PCDHGB1: variants seen among roughly 807,000 people sequenced by gnomAD.
PCDHGB1 encodes protocadherin gamma subfamily B, 1.
PCDHGB1 carries 34 observed loss-of-function variants against 56.6 expected under a neutral mutation model. The observed-to-expected ratio is 0.60, with a 90% CI of 0.46 to 0.80. The LOEUF (loss-of-function observed/expected upper bound fraction) is 0.80, where lower values mean the gene tolerates loss of function less well. Ranked by LOEUF, PCDHGB1 falls within the 30% of genes least tolerant of loss-of-function variation. The pLI, the probability that PCDHGB1 is intolerant of heterozygous loss-of-function variation, is 0.00. For synonymous variants in PCDHGB1, 561 were observed against 505.9 expected, an observed-to-expected ratio of 1.11 and a Z score of -1.46; for missense variants, 1,278 against 1,204.6, an observed-to-expected ratio of 1.06 and a Z score of -0.90.
intron 1 of PCDHGB1, chr5:141,370,755 G>A: frequency 6.2e-7 from 1 of 1,613,972 alleles, no homozygotes; most frequent in South Asian, 1.1e-5. Context: ...TCATGTAACT[G>A]TGCTGATCCA....
Position 141,375,486 on chromosome 5 carries a change from G to A in PCDHGB1, c.2409+22817G>A, listed in dbSNP as rs1193457334. Reference sequence around the variant, plus strand: ...TATGTCCTTGAAAACAACCCCAGGGGTGCCTCCATCTTCTCTGTGAATGCA... The same window carrying A: ...TATGTCCTTGAAAACAACCCCAGGGATGCCTCCATCTTCTCTGTGAATGCA... On this transcript the variant is annotated intron_variant, in intron 1 of 3. Transcript: ENST00000523390. 9.3e-6 allele frequency: 15 copies of A among 1,613,796 alleles called. No individual in the cohort carries two copies. The Admixed American group carries it at 1.7e-4, about 18-fold the overall frequency.
chr5:141,351,965 G>T lies in PCDHGB1; in HGVS notation c.1705G>T (p.Ala569Ser), dbSNP rs779515457. ...LYPALGPDGSALFDMVPRAAE... is the reference protein window; with the variant it reads ...LYPALGPDGSSLFDMVPRAAE... Reference sequence around the variant, plus strand: ...CCCCGCGCTGGGGCCTGATGGCTCCGCCCTCTTCGATATGGTGCCACGCGC... The same window carrying T: ...CCCCGCGCTGGGGCCTGATGGCTCCTCCCTCTTCGATATGGTGCCACGCGC... The change falls in exon 1 of 4, where the codon GCC becomes TCC. Residue 569 changes from alanine to serine, a missense_variant. Ala to Ser is a moderately conservative substitution (Grantham distance 99). Coordinates refer to ENST00000523390, the MANE Select transcript of PCDHGB1 (RefSeq NM_018922.3). The T allele has an allele frequency of 4.3e-6, 7 of 1,612,548 alleles. No homozygotes were observed. The East Asian group carries it at 8.9e-5, about 21-fold the overall frequency.
chr5:141,371,555 A>C, intron 1 of PCDHGB1: 1 of 1,613,862 alleles, frequency 6.2e-7, no homozygotes, highest in Non-Finnish European at 8.5e-7. Context: ...GCCAACTAAA[A>C]GGAAACTTCC....
intron 1 of PCDHGB1, chr5:141,427,870 C>A (rs773176633): frequency 3.2e-6 from 5 of 1,558,750 alleles, no homozygotes; most frequent in Non-Finnish European, 4.4e-6. Context: ...TTCGAGCTCA[C>A]GATGCAGGCC....
chr5:141,511,359 T>C lies in PCDHGB1; in HGVS notation c.*186T>C. The stretch of plus-strand genomic sequence containing the variant: ...CACCTACCCCTTCCCCCCCAGGGGG[T>C]TGAATATGCAAAAGCAGTTCCGCTG... On this transcript the variant is annotated 3_prime_UTR_variant, in exon 4 of 4. Coordinates refer to ENST00000523390, the MANE Select transcript of PCDHGB1 (RefSeq NM_018922.3). The C allele has an allele frequency of 2.2e-6, 3 of 1,339,338 alleles. No homozygotes were observed. In the South Asian group the frequency reaches 4.6e-5, roughly 20 times the overall value. The allele number at this position is 1,339,338 out of a possible 1,614,324, so 83.0% of individuals were successfully genotyped here. A position where few individuals can be genotyped will look rare whatever the true frequency, so the allele number is the denominator to read the frequency against.
At position 141,352,662 on chromosome 5, in the gene PCDHGB1, C is replaced by G; in HGVS notation, c.2402C>G (p.Ser801Cys). The G allele has an allele frequency of 1.3e-6, 2 of 1,591,142 alleles. No homozygotes were observed. The highest frequency in any genetic ancestry group is 1.7e-6 in the Non-Finnish European group (2 of 1,167,948). The change falls in exon 1 of 4, where the codon TCT (serine) becomes TGT (cysteine). Residue 801 changes from serine (S) to cysteine (C), a missense_variant. Transcript: ENST00000523390. The part of the protein sequence containing the change: ...DHKIAYDPSL[S>C]SHQAPPNTDW... ...AAAATCGCTTATGACCCTTCTTTGT[C>G]TTCGCACGTGAGTTTCTGCAAATCT...
rs114847835 is a variant in PCDHGB1, at chr5:141,486,500, C to T, written c.2410-8307C>T. The T allele has an allele frequency of 6.2e-6, 10 of 1,614,008 alleles. No homozygotes were observed. The East Asian group carries it at 1.8e-4, about 29-fold the overall frequency. On this transcript the variant is annotated intron_variant, in intron 1 of 3. Coordinates refer to ENST00000523390, the MANE Select transcript of PCDHGB1 (RefSeq NM_018922.3). This position sits in a 1 kb window ranked among gnomAD's most constrained non-coding sequence, Gnocchi z 5.0. ...TCTCAGTACCCACAGAACTATTTTCCTCAATATTTCAGATGTGAATGATAA... is the reference window on the plus strand; with the variant it reads ...TCTCAGTACCCACAGAACTATTTTCTTCAATATTTCAGATGTGAATGATAA...
At chr5:141,360,575 A>G in intron 1 of PCDHGB1, 1 of 1,614,000 alleles carries the variant, frequency 6.2e-7, no homozygotes, top group Non-Finnish European at 8.5e-7. Flanking sequence ...GAATCCACTA[A>G]GCCAGGTACA....
At position 141,477,272 on chromosome 5, in the gene PCDHGB1, C is replaced by G. The variant is rs2099408579; in HGVS notation, c.2410-17535C>G. The G allele has an allele frequency of 1.2e-6, 2 of 1,614,090 alleles. No homozygotes were observed. The highest frequency in any genetic ancestry group is 1.7e-6 in the Non-Finnish European group (2 of 1,180,048). Reference sequence around the variant, plus strand: ...TGACCTGGATGCTGGCGAGAACGGGCTGGTGACCTGCGAAGTTCCACCGGG... The same window carrying G: ...TGACCTGGATGCTGGCGAGAACGGGGTGGTGACCTGCGAAGTTCCACCGGG... On this transcript the variant is annotated intron_variant, in intron 1 of 3. Coordinates refer to ENST00000523390, the MANE Select transcript of PCDHGB1 (RefSeq NM_018922.3). This position sits in a 1 kb window ranked among gnomAD's most constrained non-coding sequence, Gnocchi z 4.9.
At chr5:141,446,055 G>A (rs1431833512) in intron 1 of PCDHGB1, among the ~76,000 whole-genome samples, 1 of 152,190 alleles carries the variant, frequency 6.6e-6, no homozygotes, top group Non-Finnish European at 1.5e-5. Flanking sequence ...AGCTGGCTTG[G>A]ATTAAAGGGG....
chr5:141,457,416 C>T (rs1378171092), intron 1 of PCDHGB1, among the ~76,000 whole-genome samples: 1 of 152,172 alleles, frequency 6.6e-6, no homozygotes, highest in Non-Finnish European at 1.5e-5. Flanking sequence ...ATTACCCATC[C>T]CTTTTTCCCC....
At chr5:141,471,801 CAT>C (rs1165290367) in intron 1 of PCDHGB1, among the ~76,000 whole-genome samples, 1 of 152,114 alleles carries the variant, frequency 6.6e-6, no homozygotes, top group African/African-American at 2.4e-5. Context: ...ATATAAAAGA[CAT>C]ATAAAAGACT....
chr5:141,374,648 C>T, intron 1 of PCDHGB1: 5 of 1,612,462 alleles, frequency 3.1e-6, no homozygotes, highest in Non-Finnish European at 4.2e-6. Flanking sequence ...AGCCCATGGG[C>T]CCAAGTACCC....
chr5:141,358,322 G>C (rs1185859053), intron 1 of PCDHGB1, among the ~76,000 whole-genome samples: 2 of 152,310 alleles, frequency 1.3e-5, no homozygotes, highest in African/African-American at 4.8e-5. Context: ...TCTTTCTCAT[G>C]AAGCTATTGT....
chr5:141,405,345 A>C (rs758657243), intron 1 of PCDHGB1: 2 of 1,613,944 alleles, frequency 1.2e-6, no homozygotes, highest in Middle Eastern at 1.6e-4. Context: ...GTTGATTCCA[A>C]GTTTCCTATA....
rs757707945 is a variant in PCDHGB1 at position 141,399,045 on chromosome 5, A to C, written c.2409+46376A>C. On this transcript the variant is annotated intron_variant, in intron 1 of 3. Coordinates refer to ENST00000523390, the MANE Select transcript of PCDHGB1 (RefSeq NM_018922.3). ...CCACTCAAAAGAAACTGGATTTTGAAGAGACCAAGGAATATTCAATGGTTG... is the reference window on the plus strand; with the variant it reads ...CCACTCAAAAGAAACTGGATTTTGACGAGACCAAGGAATATTCAATGGTTG... The C allele has an allele frequency of 3.1e-6, 5 of 1,613,878 alleles. No individual in the cohort carries two copies. The Admixed American group carries it at 5.0e-5, about 16-fold the overall frequency.
intron 1 of PCDHGB1, chr5:141,393,707 T>G (rs1296711922): frequency 6.2e-7 from 1 of 1,613,882 alleles, no homozygotes; most frequent in East Asian, 2.2e-5. Flanking sequence ...ATGAAAATAC[T>G]GGGGAAATAT....
chr5:141,430,865 C>A, intron 1 of PCDHGB1: 2 of 1,595,350 alleles, frequency 1.3e-6, no homozygotes, highest in Non-Finnish European at 1.7e-6. Flanking sequence ...CTATTCAGTT[C>A]CGGAAGAGCT....
intron 1 of PCDHGB1, chr5:141,423,903 AG>A: frequency 7.8e-7 from 1 of 1,276,130 alleles, no homozygotes. Context: ...TTGATTTCAA[AG>A]GGGCCATTCA....
Sources: allele counts gnomAD v4.1 joint callset (sites outside exome capture counted in the v4.1 genomes callset), GRCh38; gene constraint gnomAD v4.1.1; non-coding constraint Gnocchi (gnomAD v3.1); transcripts MANE v1.5; gene names NCBI Gene and HGNC (gene_info 2026-07-23, HGNC 2026-07-21).